The following CLCA2 variants were observed in gnomAD, a reference collection of about 807,000 sequenced individuals.
The protein encoded by CLCA2 is calcium-activated chloride channel regulator 2.
Under a neutral mutation model 82.9 loss-of-function variants are expected in CLCA2, and 85 were observed. That is an observed-to-expected ratio of 1.03 (90% CI 0.86 to 1.23). The LOEUF is 1.23. Among genes scored for constraint, CLCA2 ranks in the 50% most tolerant of loss-of-function variants. CLCA2 has a pLI of 0.00. For synonymous variants in CLCA2, 421 were observed against 391.7 expected (o/e 1.07, Z -0.88); for missense variants, 1,089 against 1,124.8 (o/e 0.97, Z 0.45).
chr1:86,435,096 A>G (rs931402771), intron 6 of CLCA2, among the ~76,000 whole-genome samples: 1 of 152,134 alleles, frequency 6.6e-6, no homozygotes, highest in Non-Finnish European at 1.5e-5. Context: ...TGCCTTTTCT[A>G]TCAGTTTTTA....
In CLCA2 at chr1:86,447,655, C is replaced by A. The variant is rs763009150; in HGVS notation, c.1861C>A (p.Pro621Thr). Residue 621 changes from proline to threonine, a missense_variant, in exon 11 of 14, where the codon CCT becomes ACT. Physicochemically the swap from Pro to Thr is conservative, Grantham distance 38 (BLOSUM62 -1). Transcript: ENST00000370565. ...AAGAGACAGCCTCCATTTTCCTCATCCTGTGATGATTTATGCCAATGTGAA... is the reference window on the plus strand; with the variant it reads ...AAGAGACAGCCTCCATTTTCCTCATACTGTGATGATTTATGCCAATGTGAA... ...VERDSLHFPH[P>T]VMIYANVKQG... The A allele has an allele frequency of 3.1e-6, 5 of 1,614,012 alleles. No individual in the cohort carries two copies. The Admixed American group carries it at 8.3e-5, about 27-fold the overall frequency.
intron 13 of CLCA2, among the ~76,000 whole-genome samples, chr1:86,454,656 GT>G: frequency 6.6e-6 from 1 of 152,128 alleles, no homozygotes; most frequent in East Asian, 1.9e-4. Context: ...GCCGGGCATG[GT>G]GGTGCATGCC....
Position 86,424,387 on chromosome 1 carries a change from T to C in CLCA2, c.140T>C (p.Ile47Thr). ...DNGYNGLLIA[I>T]NPQVPENQNL... ...GGGTATAATGGATTGCTCATTGCAA[T>C]TAATCCTCAGGTACCTGAGAATCAG... The change falls in exon 1 of 14, where the codon ATT (isoleucine) becomes ACT (threonine). Residue 47 changes from isoleucine to threonine, a missense_variant. Physicochemically the swap from Ile to Thr is moderately conservative, Grantham distance 89 (BLOSUM62 -1). Coordinates refer to ENST00000370565, the MANE Select transcript of CLCA2 (RefSeq NM_006536.7). The C allele has an allele frequency of 6.2e-7, 1 of 1,612,562 alleles. No individual in the cohort carries two copies. Among genetic ancestry groups the C allele is most frequent in the Non-Finnish European group, 8.5e-7 (1 of 1,179,496 alleles).
At chr1:86,451,221 A>T (rs1570268137) in intron 12 of CLCA2, among the ~76,000 whole-genome samples, 2 of 152,230 alleles carry the variant, frequency 1.3e-5, no homozygotes, top group East Asian at 3.8e-4. Context: ...CTTTTCTTCA[A>T]GAAAAAAGTT....
rs114245228 is a variant in CLCA2 at position 86,449,275 on chromosome 1, T to C, written c.1985-1288T>C. ...CACAACAACCCTGCAAGATAAGTTA[T>C]CTCCATTTTATAGATGAGAAAACTG... On this transcript the variant is annotated intron_variant, in intron 11 of 13. Coordinates refer to ENST00000370565, the MANE Select transcript of CLCA2 (RefSeq NM_006536.7). 4.2e-3 allele frequency among the ~76,000 whole-genome samples: 635 copies of C among 152,334 alleles called. 2 individuals are homozygous for C. Among genetic ancestry groups the C allele is most frequent in the African/African-American group, 0.015 (603 of 41,578 alleles).
rs561369299 is a variant in CLCA2, at chr1:86,424,245, A to C, written c.-3A>C. ...GTGAGTGAACTGGAGGCTTCTCTAC[A>C]ACATGACCCAAAGGAGCATTGCAGG... On this transcript the variant is annotated 5_prime_UTR_variant, in exon 1 of 14. Coordinates refer to ENST00000370565, the MANE Select transcript of CLCA2 (RefSeq NM_006536.7). 15 of 1,610,580 alleles carry C rather than the reference A, an allele frequency of 9.3e-6. No individual in the cohort carries two copies. The Admixed American group carries it at 1.7e-4, about 18-fold the overall frequency.
intron 13 of CLCA2, among the ~76,000 whole-genome samples, chr1:86,454,550 G>T (rs1029108415): frequency 6.6e-6 from 1 of 152,176 alleles, no homozygotes; most frequent in African/African-American, 2.4e-5. Flanking sequence ...CCAGCAGTTT[G>T]GGAGGCCGAG....
intron 12 of CLCA2, among the ~76,000 whole-genome samples, chr1:86,452,539 C>T (rs1570268780): frequency 1.3e-5 from 2 of 152,230 alleles, no homozygotes; most frequent in South Asian, 4.2e-4. Context: ...TCTCTCCTGC[C>T]TCATCTCAAA....
chr1:86,426,043 T>C (rs908989356), intron 2 of CLCA2, among the ~76,000 whole-genome samples: 1 of 152,070 alleles, frequency 6.6e-6, no homozygotes, highest in Non-Finnish European at 1.5e-5. Context: ...CTACCTTTTT[T>C]TTTCCACCTA....
At chr1:86,428,684 A>G in intron 3 of CLCA2, 116 bp downstream of exon 3, 2 of 1,171,132 alleles carry the variant, frequency 1.7e-6, no homozygotes, top group Non-Finnish European at 1.2e-6. Context: ...CTTACCACTC[A>G]AAGGGGGAGA....
intron 6 of CLCA2, among the ~76,000 whole-genome samples, chr1:86,437,786 G>A (rs116419074): frequency 0.016 from 2,433 of 151,566 alleles, 33 homozygotes; most frequent in Non-Finnish European, 0.028. Flanking sequence ...TAGCTAGCTG[G>A]GAGTAGAGAT....
At chr1:86,439,929 G>T (rs1662689980) in intron 7 of CLCA2, among the ~76,000 whole-genome samples, 1 of 152,116 alleles carries the variant, frequency 6.6e-6, no homozygotes, top group Non-Finnish European at 1.5e-5. Flanking sequence ...AAACTATGGG[G>T]ACACCTTGAT....
intron 10 of CLCA2, among the ~76,000 whole-genome samples, chr1:86,446,609 C>T (rs1349637875): frequency 6.6e-6 from 1 of 152,116 alleles, no homozygotes; most frequent in Non-Finnish European, 1.5e-5. Context: ...TAGTGAAGCT[C>T]ATGAATCCCA....
chr1:86,438,732 A>G, intron 6 of CLCA2, 144 bp from the exon 7 acceptor site: 6 of 666,176 alleles, frequency 9.0e-6, no homozygotes, highest in Non-Finnish European at 1.0e-5. Flanking sequence ...ATATTCTAAT[A>G]TTATGTTACT....
chr1:86,427,575 A>C (rs377630309), intron 2 of CLCA2, among the ~76,000 whole-genome samples: 2 of 127,470 alleles, frequency 1.6e-5, no homozygotes, highest in African/African-American at 3.0e-5. Context: ...CACACACACA[A>C]AACACATATA....
At chr1:86,427,549 C>CAT (rs1423688171) in intron 2 of CLCA2, among the ~76,000 whole-genome samples, 1 of 141,052 alleles carries the variant, frequency 7.1e-6, no homozygotes, top group South Asian at 2.2e-4. Flanking sequence ...CACATACATA[C>CAT]ACACACACAC....
At position 86,441,543 on chromosome 1, in the gene CLCA2, G is replaced by T. The variant is rs749414235; in HGVS notation, c.1488G>T (p.Gln496His). 1.9e-6 allele frequency: 3 copies of T among 1,597,144 alleles called. No homozygotes were observed. The highest frequency in any genetic ancestry group is 1.7e-5 in the Admixed American group (1 of 59,836). Residue 496 changes from glutamine (Q) to histidine (H), a missense_variant and splice_region_variant, in exon 9 of 14, where the codon CAG becomes CAT. Transcript: ENST00000370565. ...GAGACATTTTCCAGCAACATATTCA[G>T]GTCAGAATTTTCTCAATGTTATATT... ...GTGDIFQQHI[Q>H]LESTGENVKP...
In CLCA2 at chr1:86,442,772, A is replaced by G. The variant is rs376606495; in HGVS notation, c.1489-1015A>G. Among the ~76,000 whole-genome samples, 8 of 152,246 alleles carry G rather than the reference A, an allele frequency of 5.3e-5. No individual in the cohort carries two copies. The East Asian group carries it at 1.3e-3, about 26-fold the overall frequency. On this transcript the variant is annotated intron_variant, in intron 9 of 13. Coordinates refer to ENST00000370565, the MANE Select transcript of CLCA2 (RefSeq NM_006536.7). ...TCCATTGGAAATACGCAGTAATTAAATGCAGGGGCTCTGGTGTCAGGCCCA... is the reference window on the plus strand; with the variant it reads ...TCCATTGGAAATACGCAGTAATTAAGTGCAGGGGCTCTGGTGTCAGGCCCA...
intron 9 of CLCA2, among the ~76,000 whole-genome samples, chr1:86,443,077 A>G (rs927107889): frequency 6.6e-6 from 1 of 150,988 alleles, no homozygotes; most frequent in Admixed American, 6.6e-5. Context: ...CCCAGGCTGG[A>G]GTGCAGTGGC....
Sources: allele counts gnomAD v4.1 joint callset (sites outside exome capture counted in the v4.1 genomes callset), GRCh38; gene constraint gnomAD v4.1.1; transcripts MANE v1.5; gene names NCBI Gene and HGNC (gene_info 2026-07-23, HGNC 2026-07-21).